GULP1: variants seen among roughly 807,000 people sequenced by gnomAD.
The protein encoded by GULP1 is PTB domain-containing engulfment adapter protein 1.
In GULP1, 19 loss-of-function variants were observed where a neutral mutation model predicts 40.9. That is an observed-to-expected ratio of 0.46 (90% CI 0.32 to 0.68). The LOEUF (loss-of-function observed/expected upper bound fraction) is 0.68. Among genes scored for constraint, GULP1 ranks in the 30% least tolerant of loss-of-function variants. The pLI is 0.03. For synonymous variants in GULP1, 119 were observed against 117.6 expected (o/e 1.01, Z -0.08); for missense variants, 312 against 362.2 (o/e 0.86, Z 1.12).
chr2:188,554,000 A>G (rs949153018), intron 7 of GULP1, among the ~76,000 whole-genome samples: 26 of 151,780 alleles, frequency 1.7e-4, no homozygotes, highest in Non-Finnish European at 2.5e-4. Context: ...CAGTTGTTAC[A>G]TTTCCTTTTT....
At chr2:188,528,998 A>G (rs1559345953) in intron 5 of GULP1, 99 bp from the exon 6 acceptor site, 2 of 625,226 alleles carry the variant, frequency 3.2e-6, no homozygotes, top group South Asian at 2.2e-5. Context: ...TCACTTAATT[A>G]AAGTCTGAAA....
At chr2:188,464,772 C>T (rs1233016375) in intron 2 of GULP1, among the ~76,000 whole-genome samples, 1 of 152,202 alleles carries the variant, frequency 6.6e-6, no homozygotes, top group African/African-American at 2.4e-5. Flanking sequence ...AGAAGAGCCT[C>T]ACCATGTGGC....
At position 188,429,518 on chromosome 2, in the gene GULP1, A is replaced by C. The variant is rs142174792; in HGVS notation, c.-45+45629A>C. Among the ~76,000 whole-genome samples the C allele has an allele frequency of 5.3e-3, 801 of 152,208 alleles. 6 individuals carry two copies. Among genetic ancestry groups the C allele is most frequent in the African/African-American group, 0.019 (770 of 41,526 alleles). On this transcript the variant is annotated intron_variant, in intron 2 of 11. Coordinates refer to ENST00000409830, the MANE Select transcript of GULP1 (RefSeq NM_016315.4). ...CTGTCTCAAAAAAAAAAGATTCAGT[A>C]GGAGTCAGTACTCCTTTTCAGATGA...
At chr2:188,377,070 G>T (rs2048384120) in intron 1 of GULP1, among the ~76,000 whole-genome samples, 1 of 152,038 alleles carries the variant, frequency 6.6e-6, no homozygotes, top group Non-Finnish European at 1.5e-5. Flanking sequence ...TACTTGGGAG[G>T]CTGAGGCAGG....
chr2:188,328,948 C>T lies in GULP1; in HGVS notation c.-172+36782C>T, dbSNP rs138493195. On this transcript the variant is annotated intron_variant, in intron 1 of 11. Transcript: ENST00000409830. ...TTAGAAGTCAGAAGCATCTATGATA[C>T]GGATCAAACATCATGAATCAACTCA... Among the ~76,000 whole-genome samples the T allele has an allele frequency of 6.6e-5, 10 of 152,204 alleles. No homozygotes were observed. In the East Asian group the frequency reaches 9.7e-4, roughly 15 times the overall value.
At chr2:188,475,868 G>T (rs1343544136) in intron 2 of GULP1, among the ~76,000 whole-genome samples, 3 of 151,812 alleles carry the variant, frequency 2.0e-5, no homozygotes, top group African/African-American at 4.8e-5. Context: ...ATCCTCAAAA[G>T]AAATTAAGGG....
At position 188,587,959 on chromosome 2, in the gene GULP1, T is replaced by C. The variant is rs759543453; in HGVS notation, c.843+10T>C. 1.6e-6 allele frequency: 2 copies of C among 1,289,018 alleles called. No homozygotes were observed. Among genetic ancestry groups the C allele is most frequent in the Admixed American group, 1.7e-5 (1 of 59,640 alleles). 79.8% of individuals were successfully genotyped at this position (1,289,018 alleles called of 1,614,324 possible). On this transcript the variant is annotated intron_variant, in intron 11 of 11. Transcript: ENST00000409830. ...ATTAGATGAGATGCAGGTGACTATT[T>C]TGATAGACTGGCCCATAAATGATTT...
At chr2:188,431,148 C>T (rs375352553) in intron 2 of GULP1, among the ~76,000 whole-genome samples, 51 of 152,226 alleles carry the variant, frequency 3.4e-4, no homozygotes, top group African/African-American at 1.1e-3. Flanking sequence ...TTTCAGCAAA[C>T]CTTCAGAGGG....
rs150932845 is a variant in GULP1 at position 188,304,900 on chromosome 2, A to G, written c.-172+12734A>G. Reference sequence around the variant, plus strand: ...ACAGATGACTTCTGTGACCAAATATATGGGTTTTTTTCCCCATCAATAAGC... The same window carrying G: ...ACAGATGACTTCTGTGACCAAATATGTGGGTTTTTTTCCCCATCAATAAGC... On this transcript the variant is annotated intron_variant, in intron 1 of 11. Coordinates refer to ENST00000409830, the MANE Select transcript of GULP1 (RefSeq NM_016315.4). Among the ~76,000 whole-genome samples, 785 of 152,218 alleles carry G rather than the reference A, an allele frequency of 5.2e-3. 6 individuals carry two copies. The highest frequency in any genetic ancestry group is 0.018 in the African/African-American group (753 of 41,532).
chr2:188,585,059 C>A, intron 10 of GULP1, among the ~76,000 whole-genome samples: 1 of 152,128 alleles, frequency 6.6e-6, no homozygotes, highest in Non-Finnish European at 1.5e-5. Context: ...GAGAAATTGG[C>A]AAAGCGAAGG....
intron 5 of GULP1, among the ~76,000 whole-genome samples, chr2:188,527,800 A>G (rs1434200236): frequency 1.3e-5 from 2 of 152,224 alleles, no homozygotes; most frequent in Non-Finnish European, 2.9e-5. Context: ...GTGCAAAGCC[A>G]TGAAAAGAGA....
chr2:188,575,755 AT>A (rs5837096), intron 9 of GULP1, among the ~76,000 whole-genome samples: 124,589 of 151,858 alleles, frequency 0.82, 52,076 homozygotes, highest in South Asian at 0.97. Flanking sequence ...AAGGATTGGT[AT>A]TTTTTTTTAA....
chr2:188,383,296 C>T (rs994454825), intron 1 of GULP1, among the ~76,000 whole-genome samples: 1 of 152,210 alleles, frequency 6.6e-6, no homozygotes, highest in African/African-American at 2.4e-5. Context: ...GAAGGATAAG[C>T]TATCTAAATG....
intron 2 of GULP1, among the ~76,000 whole-genome samples, chr2:188,414,731 G>A (rs2054362341): frequency 6.6e-6 from 1 of 152,068 alleles, no homozygotes; most frequent in African/African-American, 2.4e-5. Context: ...TTTTGTGACA[G>A]GAAGATAATT....
At chr2:188,540,114 G>A (rs1201967267) in intron 6 of GULP1, among the ~76,000 whole-genome samples, 1 of 151,930 alleles carries the variant, frequency 6.6e-6, no homozygotes, top group Non-Finnish European at 1.5e-5. Flanking sequence ...CAATAATCTT[G>A]GTGAACTGAC....
At chr2:188,523,253 T>C (rs1167941987) in intron 5 of GULP1, among the ~76,000 whole-genome samples, 1 of 152,150 alleles carries the variant, frequency 6.6e-6, no homozygotes, top group South Asian at 2.1e-4. Context: ...AGCCAGAATT[T>C]TGCAGTGACA....
At chr2:188,541,064 A>G (rs1259205116) in intron 6 of GULP1, 117 bp from the exon 7 acceptor site, 1 of 848,572 alleles carries the variant, frequency 1.2e-6, no homozygotes, top group African/African-American at 1.7e-5. Flanking sequence ...TTATAAAATC[A>G]AAGATTGACA....
intron 6 of GULP1, among the ~76,000 whole-genome samples, chr2:188,536,117 T>A (rs908483851): frequency 2.0e-5 from 3 of 152,160 alleles, no homozygotes; most frequent in African/African-American, 7.2e-5. Flanking sequence ...ATGCATAGTT[T>A]GCAAATATTT....
At chr2:188,438,081 A>T (rs12995587) in intron 2 of GULP1, among the ~76,000 whole-genome samples, 5,895 of 152,264 alleles carry the variant, frequency 0.039, 151 homozygotes, top group Non-Finnish European at 0.059. Context: ...TTAAAAGTTT[A>T]AAAACATTAA....
Sources: allele counts gnomAD v4.1 joint callset (sites outside exome capture counted in the v4.1 genomes callset), GRCh38; gene constraint gnomAD v4.1.1; transcripts MANE v1.5; gene names NCBI Gene and HGNC (gene_info 2026-07-23, HGNC 2026-07-21).